Variants in CEP63 observed in about 807,000 individuals in gnomAD.
CEP63 encodes the protein centrosomal protein 63.
In CEP63, 84 loss-of-function variants were observed where a neutral mutation model predicts 89.1. That is an observed-to-expected ratio of 0.94 (90% CI 0.79 to 1.13). CEP63 has a LOEUF of 1.13. Among genes scored for constraint, CEP63 ranks in the 50% most tolerant of loss-of-function variants. The probability of loss-of-function intolerance (pLI) is 0.00; values close to 1 mark genes in which losing one functional copy is unlikely to be tolerated. For synonymous variants in CEP63, 267 were observed against 272.5 expected, an observed-to-expected ratio of 0.98 and a Z score of 0.20; for missense variants, 838 against 813.3, an observed-to-expected ratio of 1.03 and a Z score of -0.37.
chr3:134,640,279 A>G, the CEP63 span, among the ~76,000 whole-genome samples: 1 of 152,132 alleles, frequency 6.6e-6, no homozygotes, highest in East Asian at 1.9e-4. Context: ...TCCTGTATGG[A>G]AGAGACAGTA....
chr3:134,506,113 G>C (rs1362508114), intron 2 of CEP63, among the ~76,000 whole-genome samples: 4 of 152,136 alleles, frequency 2.6e-5, no homozygotes, highest in Non-Finnish European at 5.9e-5. Flanking sequence ...GGTGCTTTTT[G>C]AAAGTATTTA....
At chr3:134,694,473 C>T in the CEP63 span, among the ~76,000 whole-genome samples, 3 of 152,226 alleles carry the variant, frequency 2.0e-5, no homozygotes, top group African/African-American at 7.2e-5. Context: ...TGCTCATCTT[C>T]ACTCTTCTTC....
chr3:134,546,355 T>A (rs1380248483), intron 8 of CEP63, 67 bp downstream of exon 8: 1 of 1,288,418 alleles, frequency 7.8e-7, no homozygotes, highest in Non-Finnish European at 1.1e-6. Flanking sequence ...ACTAGGCTTA[T>A]TTTTATTTTT....
At chr3:134,715,047 C>T in the CEP63 span, among the ~76,000 whole-genome samples, 1 of 152,348 alleles carries the variant, frequency 6.6e-6, no homozygotes, top group South Asian at 2.1e-4. Context: ...AGCTTCTAGG[C>T]TGCTGAGGAG....
At chr3:134,604,547 T>G in the CEP63 span, 1 of 1,341,944 alleles carries the variant, frequency 7.5e-7, no homozygotes, top group South Asian at 1.4e-5. Context: ...GTTTAACAAC[T>G]GTCTCCCTGG....
chr3:134,608,348 G>T, the CEP63 span: 11 of 1,316,114 alleles, frequency 8.4e-6, no homozygotes, highest in Middle Eastern at 2.3e-4. Context: ...CAGGCTGTGT[G>T]TTCAGCCTTC....
chr3:134,524,003 T>C (rs1020845095), intron 3 of CEP63, among the ~76,000 whole-genome samples: 1 of 152,224 alleles, frequency 6.6e-6, no homozygotes, highest in African/African-American at 2.4e-5. Flanking sequence ...TTAATGATAC[T>C]GATTCTTCCT....
chr3:134,585,498 G>GT (rs1239491359), intron 10 of CEP63, among the ~76,000 whole-genome samples: 3 of 152,098 alleles, frequency 2.0e-5, no homozygotes, highest in Non-Finnish European at 2.9e-5. Flanking sequence ...TTGTTTCCAT[G>GT]TAGTTGAGTG....
At chr3:134,570,355 G>A (rs1374684915) in intron 11 of CEP63, among the ~76,000 whole-genome samples, 2 of 152,148 alleles carry the variant, frequency 1.3e-5, no homozygotes, top group Non-Finnish European at 2.9e-5. Context: ...CAGCACCCAA[G>A]TCACCTGTTG....
chr3:134,566,878 A>G (rs193104656), downstream of CEP63, among the ~76,000 whole-genome samples: 251 of 152,352 alleles, frequency 1.6e-3, 1 homozygote, highest in African/African-American at 5.8e-3. Context: ...CAGTTCCTCA[A>G]AAAGAGTTAC....
chr3:134,609,381 G>A, the CEP63 span, among the ~76,000 whole-genome samples: 1 of 152,174 alleles, frequency 6.6e-6, no homozygotes, highest in African/African-American at 2.4e-5. Flanking sequence ...CTGCCTAAGA[G>A]GAGCAGTGTT....
At chr3:134,715,524 T>G in the CEP63 span, among the ~76,000 whole-genome samples, 11 of 21,870 alleles carry the variant, frequency 5.0e-4, no homozygotes, top group African/African-American at 8.8e-4. Flanking sequence ...GGTTTTTTTT[T>G]TTTGTTTTTT....
At chr3:134,492,338 A>C (rs1056583898) in intron 1 of CEP63, among the ~76,000 whole-genome samples, 11 of 152,150 alleles carry the variant, frequency 7.2e-5, no homozygotes, top group Non-Finnish European at 1.6e-4. Flanking sequence ...AATCAAAGTG[A>C]CATAGTGCAT....
At chr3:134,520,986 G>A (rs1947312841) in intron 3 of CEP63, among the ~76,000 whole-genome samples, 1 of 151,942 alleles carries the variant, frequency 6.6e-6, no homozygotes, top group Admixed American at 6.6e-5. Context: ...AAAAAATAGT[G>A]ATAAAAGGTT....
At chr3:134,773,876 C>G in the CEP63 span, among the ~76,000 whole-genome samples, 1 of 152,154 alleles carries the variant, frequency 6.6e-6, no homozygotes, top group Admixed American at 6.6e-5. Context: ...TGATCTTACT[C>G]ATTGTATTTC....
chr3:134,536,325 A>ATGAT (rs1950771836), intron 5 of CEP63: 1 of 152,598 alleles, frequency 6.6e-6, no homozygotes, highest in Non-Finnish European at 1.5e-5. Context: ...ATATAGTAGA[A>ATGAT]TGATTGAATG....
chr3:134,627,375 C>T, the CEP63 span, among the ~76,000 whole-genome samples: 168 of 152,314 alleles, frequency 1.1e-3, 1 homozygote, highest in African/African-American at 3.8e-3. Flanking sequence ...GGCTGTCTAT[C>T]ATCCCTCTCA....
chr3:134,617,069 A>G, the CEP63 span, among the ~76,000 whole-genome samples: 1 of 152,156 alleles, frequency 6.6e-6, no homozygotes, highest in Non-Finnish European at 1.5e-5. Flanking sequence ...AAAGGATGCT[A>G]GGATGCTTAT....
intron 6 of CEP63, among the ~76,000 whole-genome samples, chr3:134,545,275 C>T (rs1256249024): frequency 1.3e-5 from 2 of 152,004 alleles, no homozygotes; most frequent in South Asian, 2.1e-4. Context: ...GGATTACAGG[C>T]GTGATCCACT....
Sources: allele counts gnomAD v4.1 joint callset (sites outside exome capture counted in the v4.1 genomes callset), GRCh38; gene constraint gnomAD v4.1.1; transcripts MANE v1.5; gene names NCBI Gene and HGNC (gene_info 2026-07-23, HGNC 2026-07-21).